Variants in SND1 observed in about 807,000 individuals in gnomAD.
The protein encoded by SND1 is staphylococcal nuclease domain-containing protein 1.
In SND1, 38 loss-of-function variants were observed where a neutral mutation model predicts 121.7. The observed-to-expected ratio is 0.31, with a 90% CI of 0.24 to 0.41. The LOEUF is 0.41. Ranked by LOEUF, SND1 falls within the 10% of genes least tolerant of loss-of-function variation. SND1 has a pLI of 1.00. For missense variants in SND1, 868 were observed against 1,184.6 expected (o/e 0.73, Z 3.92); for synonymous variants, 401 against 447.4 (o/e 0.90, Z 1.31).
intron 16 of SND1, chr7:128,028,981 G>A: frequency 6.2e-7 from 1 of 1,610,766 alleles, no homozygotes; most frequent in South Asian, 1.1e-5. Flanking sequence ...CGCTGCTGGT[G>A]CCGCTTACGA....
intron 10 of SND1, among the ~76,000 whole-genome samples, chr7:127,741,342 A>G (rs1392028030): frequency 6.6e-6 from 1 of 152,244 alleles, no homozygotes; most frequent in East Asian, 1.9e-4. Flanking sequence ...GTGATTTTAT[A>G]AGATGGCTCC....
At chr7:127,663,689 T>G (rs1421145799) in intron 1 of SND1, among the ~76,000 whole-genome samples, 1 of 152,134 alleles carries the variant, frequency 6.6e-6, no homozygotes, top group Non-Finnish European at 1.5e-5. Context: ...CTGTACTTCT[T>G]AATTGGTTGC....
At chr7:128,028,408 C>T in intron 16 of SND1, 1 of 338,844 alleles carries the variant, frequency 3.0e-6, no homozygotes, top group South Asian at 5.6e-5. Flanking sequence ...ACCAGAAATC[C>T]CTTCTGGCAG....
At chr7:127,713,887 C>T (rs1374525917) in intron 9 of SND1, among the ~76,000 whole-genome samples, 2 of 152,200 alleles carry the variant, frequency 1.3e-5, no homozygotes, top group Non-Finnish European at 2.9e-5. Flanking sequence ...CACTTCACAG[C>T]GATTAGCTGA....
At chr7:127,852,490 TAAAAAAAAA>T (rs779324036) in intron 12 of SND1, among the ~76,000 whole-genome samples, 20 of 83,938 alleles carry the variant, frequency 2.4e-4, no homozygotes, top group Non-Finnish European at 2.7e-4. Flanking sequence ...AGACTCCCTC[TAAAAAAAAA>T]AAAAAAAAGA....
At chr7:127,751,489 A>G (rs1364924510) in intron 10 of SND1, among the ~76,000 whole-genome samples, 1 of 152,116 alleles carries the variant, frequency 6.6e-6, no homozygotes, top group African/African-American at 2.4e-5. Context: ...TACTACATAG[A>G]TGAATTGAGC....
chr7:127,997,885 C>G (rs747681950), intron 16 of SND1: 10 of 534,660 alleles, frequency 1.9e-5, no homozygotes, highest in Non-Finnish European at 3.8e-5. Flanking sequence ...AGGTGCACCA[C>G]CTTTTCTTGG....
At position 128,085,618 on chromosome 7, in the gene SND1, A is replaced by T; in HGVS notation, c.2235-93A>T. The T allele has an allele frequency of 9.0e-7, 1 of 1,106,908 alleles. No individual in the cohort carries two copies. Among genetic ancestry groups the T allele is most frequent in the Non-Finnish European group, 1.4e-6 (1 of 730,020 alleles). 68.6% of individuals were successfully genotyped at this position (1,106,908 alleles called of 1,614,324 possible). On this transcript the variant is annotated intron_variant, in intron 19 of 23. Coordinates refer to ENST00000354725, the MANE Select transcript of SND1 (RefSeq NM_014390.4). The surrounding 1 kb of genome is among the most constrained non-coding windows in gnomAD (Gnocchi z 4.4). ...TGACACCCGTTGAACCCAGGCAGGG[A>T]AATGCTGTGCCCCTGCCCCGCCATT...
intron 10 of SND1, among the ~76,000 whole-genome samples, chr7:127,754,734 C>T (rs935616790): frequency 7.9e-5 from 12 of 152,292 alleles, no homozygotes; most frequent in African/African-American, 1.9e-4. Flanking sequence ...GAGGGACAGA[C>T]AAAATTTTGA....
At chr7:127,693,850 A>G (rs1192015651) in intron 2 of SND1, among the ~76,000 whole-genome samples, 3 of 152,182 alleles carry the variant, frequency 2.0e-5, no homozygotes. Context: ...GGTCCAGACT[A>G]TAAGTTCAAG....
At chr7:127,839,608 A>G (rs1193077442) in intron 11 of SND1, among the ~76,000 whole-genome samples, 1 of 152,174 alleles carries the variant, frequency 6.6e-6, no homozygotes. Flanking sequence ...TAGCTGTTCT[A>G]TACTAAACTA....
rs143582313 is a variant in SND1, at chr7:127,703,781, T to G, written c.840+458T>G. On this transcript the variant is annotated intron_variant, in intron 7 of 23. Transcript: ENST00000354725. ...TGAGGCATTTTCTAGGGAGTTATCA[T>G]TTGTCTTACAGAATTGGACAATTTT... Among the ~76,000 whole-genome samples the G allele has an allele frequency of 2.4e-3, 361 of 152,344 alleles. 1 individual carries two copies. Among genetic ancestry groups the G allele is most frequent in the African/African-American group, 7.6e-3 (317 of 41,580 alleles).
chr7:127,821,040 A>T (rs1798537729), intron 11 of SND1, among the ~76,000 whole-genome samples: 1 of 152,122 alleles, frequency 6.6e-6, no homozygotes, highest in Admixed American at 6.6e-5. Flanking sequence ...TTGGCCTTGG[A>T]TCCTCCCGAA....
chr7:127,981,669 G>A (rs1424184336), intron 15 of SND1, among the ~76,000 whole-genome samples: 1 of 152,176 alleles, frequency 6.6e-6, no homozygotes, highest in African/African-American at 2.4e-5. Context: ...CCATTTGGGA[G>A]AGATTGTGTG....
chr7:127,810,726 A>G (rs941149232), intron 11 of SND1, among the ~76,000 whole-genome samples: 1 of 152,232 alleles, frequency 6.6e-6, no homozygotes, highest in Admixed American at 6.5e-5. Context: ...AGAATAAGGT[A>G]GTAACTGGGA....
At chr7:127,974,012 G>A (rs1802059310) in intron 15 of SND1, among the ~76,000 whole-genome samples, 1 of 152,194 alleles carries the variant, frequency 6.6e-6, no homozygotes, top group Non-Finnish European at 1.5e-5. Flanking sequence ...CTCAGTAGCA[G>A]CAGACAGTAC....
intron 15 of SND1, among the ~76,000 whole-genome samples, chr7:127,971,161 T>C (rs1410992306): frequency 2.0e-5 from 3 of 152,180 alleles, no homozygotes; most frequent in Non-Finnish European, 4.4e-5. Context: ...CACAGAGTTA[T>C]TTCGATGTCA....
chr7:128,035,257 C>T (rs139797551), intron 16 of SND1, among the ~76,000 whole-genome samples: 1 of 152,308 alleles, frequency 6.6e-6, no homozygotes, highest in East Asian at 1.9e-4. Flanking sequence ...TCTTACCGCT[C>T]TCTTAGTCCA....
intron 16 of SND1, among the ~76,000 whole-genome samples, chr7:128,050,727 C>G (rs182220970): frequency 6.6e-6 from 1 of 152,314 alleles, no homozygotes; most frequent in Non-Finnish European, 1.5e-5. Flanking sequence ...AATCTCTGTT[C>G]TCTGCATTCC....
Sources: gnomAD v4.1 joint callset for allele counts (sites outside exome capture counted in the v4.1 genomes callset) on GRCh38, gnomAD v4.1.1 for gene constraint, Gnocchi (gnomAD v3.1) non-coding constraint, MANE v1.5 for transcripts, NCBI Gene and HGNC (gene_info 2026-07-23, HGNC 2026-07-21) for gene names.